The following SPTBN5 variants were observed in gnomAD, a reference collection of about 807,000 sequenced individuals.
SPTBN5 encodes the protein spectrin beta chain, non-erythrocytic 5.
SPTBN5 carries 513 observed loss-of-function variants against 477.6 expected under a neutral mutation model. The observed-to-expected ratio is 1.07, with a 90% confidence interval of 1.00 to 1.16. The LOEUF (loss-of-function observed/expected upper bound fraction) is 1.16, where lower values mean the gene tolerates loss of function less well. SPTBN5 is among the 50% of genes most tolerant of loss of function. SPTBN5 has a pLI of 0.00. For missense variants in SPTBN5, 5,062 were observed against 4,731.8 expected (o/e 1.07, Z -2.05); for synonymous variants, 2,169 against 2,011.7 (o/e 1.08, Z -2.09).
intron 17 of SPTBN5, 22 bp downstream of exon 17, chr15:41,878,320 C>T: frequency 6.2e-7 from 1 of 1,608,194 alleles, no homozygotes; most frequent in Non-Finnish European, 8.5e-7. Flanking sequence ...AAAGTGCACC[C>T]CTTCTGCCCT....
In SPTBN5 at chr15:41,870,034, A is replaced by G; in HGVS notation, c.5674-14T>C. 1 of 1,470,370 alleles carries G rather than the reference A, an allele frequency of 6.8e-7. No homozygotes were observed. Among genetic ancestry groups the G allele is most frequent in the Non-Finnish European group, 9.0e-7 (1 of 1,107,754 alleles). 91.1% of individuals were successfully genotyped at this position (1,470,370 alleles called of 1,614,324 possible). A position where few individuals can be genotyped will look rare whatever the true frequency, so the allele number is the denominator to read the frequency against. On this transcript the variant is annotated splice_polypyrimidine_tract_variant and intron_variant, in intron 31 of 67. Transcript: ENST00000320955. ...CAGTTCCTGCAGCTGCGGGAGGGGC[A>G]GGGAATAGGGAGGCAAGGGTCATGT...
At position 41,856,507 on chromosome 15, in the gene SPTBN5, G is replaced by A; in HGVS notation, c.8900C>T (p.Ala2967Val). ...CTGCACCCGGGCGGCCACCTCGTGG[G>A]CGGCAAAGTGCCCAGCCTGCACCAG... ...YKLVQAGHFA[A>V]HEVAARVQQL... The change falls in exon 53 of 68, where the codon GCC becomes GTC. Residue 2967 changes from alanine to valine, a missense_variant. By Grantham distance (64) the Ala-to-Val change is moderately conservative. Transcript: ENST00000320955. 6.3e-7 allele frequency: 1 copy of A among 1,599,904 alleles called. No homozygotes were observed. The highest frequency in any genetic ancestry group is 1.1e-5 in the South Asian group (1 of 88,720).
Position 41,853,742 on chromosome 15 carries a change from C to A in SPTBN5, c.9820G>T (p.Glu3274Ter). 6.3e-7 allele frequency: 1 copy of A among 1,580,388 alleles called. No individual in the cohort carries two copies. The highest frequency in any genetic ancestry group is 2.3e-5 in the East Asian group (1 of 43,330). ...TGTAGCTGGCCCAGTCGGCAGGCCTCCGTCTGTAGCCGTGCCACCTCCTTC... is the reference window on the plus strand; with the variant it reads ...TGTAGCTGGCCCAGTCGGCAGGCCTACGTCTGTAGCCGTGCCACCTCCTTC... ...MEKEVARLQTEACRLGQLHPA... is the reference protein window; with the variant it reads ...MEKEVARLQT Residue 3274 changes from glutamate (E) to a stop codon, truncating the protein, a stop_gained, in exon 58 of 68, where the codon GAG becomes TAG. Coordinates refer to ENST00000320955, the MANE Select transcript of SPTBN5 (RefSeq NM_016642.4). LOFTEE classifies it high-confidence loss of function.
chr15:41,881,618 C>T (rs1308884260), intron 12 of SPTBN5, among the ~76,000 whole-genome samples: 13 of 152,216 alleles, frequency 8.5e-5, no homozygotes, highest in Admixed American at 6.5e-4. Flanking sequence ...GAGAGACAGT[C>T]ACTACTGGCC....
rs951842861 is a variant in SPTBN5, at chr15:41,851,831, G to C, written c.10604C>G (p.Thr3535Ser). The C allele has an allele frequency of 5.0e-6, 8 of 1,610,720 alleles. No homozygotes were observed. The highest frequency in any genetic ancestry group is 6.8e-6 in the Non-Finnish European group (8 of 1,179,438). The stretch of plus-strand genomic sequence containing the variant: ...CTTGAACTCCAAAGACCCCTCCATG[G>C]TGGGGGTACCCTTTGCATCCTGAAA... ...RDPQDAKGTP[T>S]MEGSLEFKQH... The change falls in exon 63 of 68, where the codon ACC becomes AGC. Residue 3535 changes from threonine (T) to serine (S), a missense_variant. Coordinates refer to ENST00000320955, the MANE Select transcript of SPTBN5 (RefSeq NM_016642.4).
At chr15:41,879,229 C>T (rs759834116) in intron 16 of SPTBN5, 31 bp downstream of exon 16, 3 of 1,585,504 alleles carry the variant, frequency 1.9e-6, no homozygotes, top group South Asian at 2.3e-5. Context: ...GTCCTCACTG[C>T]CTCCCAATGC....
intron 1 of SPTBN5, 44 bp downstream of exon 1, chr15:41,893,855 C>T (rs2067387577): frequency 3.0e-6 from 1 of 334,752 alleles, no homozygotes. Flanking sequence ...ACAGAGACGG[C>T]TCTGCTGGAC....
intron 36 of SPTBN5, 155 bp from the exon 37 acceptor site, chr15:41,866,648 T>C: frequency 1.0e-6 from 1 of 975,818 alleles, no homozygotes; most frequent in Non-Finnish European, 1.4e-6. Flanking sequence ...TCCGGAAGGT[T>C]GCTGCAGGAG....
chr15:41,852,990 C>T lies in SPTBN5; in HGVS notation c.10181G>A (p.Cys3394Tyr). 1.3e-6 allele frequency: 2 copies of T among 1,541,002 alleles called. No individual in the cohort carries two copies. Among genetic ancestry groups the T allele is most frequent in the Non-Finnish European group, 1.7e-6 (2 of 1,143,034 alleles). Residue 3394 changes from cysteine to tyrosine, a missense_variant, in exon 60 of 68, where the codon TGC becomes TAC. Transcript: ENST00000320955. ...CAGCCGCCCTTCCAGCTCCTGCAGG[C>T]ACTCTGTCACCTGGTGGGGAGGGGC... ...SHFMSAEVTE[C>Y]LQELEGRLQE...
intron 6 of SPTBN5, 94 bp from the exon 7 acceptor site, chr15:41,886,460 A>C (rs2067155005): frequency 3.6e-6 from 5 of 1,383,498 alleles, no homozygotes; most frequent in Non-Finnish European, 4.8e-6. Context: ...GGTGGGCTGT[A>C]GCTACTTCTC....
rs368126831 is a variant in SPTBN5, at chr15:41,853,875, A to T, written c.9775-88T>A. On this transcript the variant is annotated intron_variant, in intron 57 of 67. Transcript: ENST00000320955. ...CAGGAGCACCAGGCCTCTCTGAGGA[A>T]CCACCTCCACTCTGCTGCACAAGCT... is the stretch of plus-strand genomic sequence containing the variant. The T allele has an allele frequency of 3.4e-5, 49 of 1,431,790 alleles. No individual in the cohort carries two copies. In the African/African-American group the frequency reaches 6.7e-4, roughly 19 times the overall value. The allele number at this position is 1,431,790 out of a possible 1,614,324, so 88.7% of individuals were successfully genotyped here. A position where few individuals can be genotyped will look rare whatever the true frequency, so the allele number is the denominator to read the frequency against.
Position 41,857,640 on chromosome 15 carries a change from C to T in SPTBN5, c.8297G>A (p.Gly2766Glu), listed in dbSNP as rs1436229226. The change falls in exon 50 of 68, where the codon GGA becomes GAA. Residue 2766 changes from glycine to glutamate, a missense_variant. Transcript: ENST00000320955. ...GTCTTGCAGCTCACCCCAGAGTGCT[C>T]CCAGCTCCTCCAGTCGCTCCTGGAT... ...EAIQERLEEL[G>E]ALWGELQDNS... The T allele has an allele frequency of 5.6e-6, 9 of 1,598,364 alleles. No homozygotes were observed. In the African/African-American group the frequency reaches 9.4e-5, roughly 17 times the overall value.
At chr15:41,882,950 A>G (rs1359835067) in intron 9 of SPTBN5, 46 bp downstream of exon 9, 1 of 1,500,528 alleles carries the variant, frequency 6.7e-7, no homozygotes, top group Non-Finnish European at 9.0e-7. Context: ...AATTTGGGTT[A>G]CAGAAAAGTT....
At chr15:41,871,598 G>T in intron 28 of SPTBN5, 78 bp from the exon 29 acceptor site, 1 of 1,415,562 alleles carries the variant, frequency 7.1e-7, no homozygotes, top group Non-Finnish European at 9.3e-7. Context: ...AGGCACCTCA[G>T]TGCCCAACTG....
intron 11 of SPTBN5, 37 bp downstream of exon 11, chr15:41,882,232 G>GGC: frequency 1.6e-6 from 2 of 1,254,130 alleles, no homozygotes; most frequent in Non-Finnish European, 2.1e-6. Flanking sequence ...GCCTCGCCGG[G>GGC]CCCCGCCCCC....
rs2066884695 is a variant in SPTBN5, at chr15:41,879,775, G to A, written c.2901C>T (p.Asn967=). Residue 967 remains asparagine (N), a synonymous_variant, in exon 15 of 68, where the codon AAC becomes AAT. Transcript: ENST00000320955. The stretch of plus-strand genomic sequence containing the variant: ...CCTGCTGTCGTTGGATTTGTGTGGA[G>A]TTCCCAGGATATCTCTGCCTCAGTT... ...AEQLRQRYPG[N]STQIQRQQEE... 1 of 1,613,946 alleles carries A rather than the reference G, an allele frequency of 6.2e-7. No homozygotes were observed. Among genetic ancestry groups the A allele is most frequent in the African/African-American group, 1.3e-5 (1 of 74,946 alleles).
chr15:41,861,668 G>A (rs954460947), intron 45 of SPTBN5, 67 bp downstream of exon 45: 2 of 1,506,564 alleles, frequency 1.3e-6, no homozygotes, highest in African/African-American at 2.8e-5. Context: ...TTGACCAGAG[G>A]CTGTGGGGTC....
intron 57 of SPTBN5, 99 bp downstream of exon 57, chr15:41,853,951 G>T (rs1007979859): frequency 1.4e-5 from 21 of 1,461,080 alleles, no homozygotes; most frequent in Non-Finnish European, 1.8e-5. Context: ...CTGGAGAAGA[G>T]GCTGAAGCAG....
At position 41,876,510 on chromosome 15, in the gene SPTBN5, T is replaced by C. The variant is rs763665052; in HGVS notation, c.3951+38A>G. 3.9e-6 allele frequency: 6 copies of C among 1,535,570 alleles called. No individual in the cohort carries two copies. In the East Asian group the frequency reaches 1.4e-4, roughly 37 times the overall value. On this transcript the variant is annotated intron_variant, in intron 20 of 67. Coordinates refer to ENST00000320955, the MANE Select transcript of SPTBN5 (RefSeq NM_016642.4). The stretch of plus-strand genomic sequence containing the variant: ...CTCTGTACGGTCTCAGGCTTTCTTT[T>C]CAGGGAGGCGTCATGCGACCTGGGC...
Sources: allele counts gnomAD v4.1 joint callset (sites outside exome capture counted in the v4.1 genomes callset), GRCh38; gene constraint gnomAD v4.1.1; transcripts MANE v1.5; gene names NCBI Gene and HGNC (gene_info 2026-07-23, HGNC 2026-07-21).